Variants in NCALD observed in about 807,000 individuals in gnomAD.
The protein encoded by NCALD is neurocalcin delta, also known as neurocalcin-delta.
Under a neutral mutation model 18.6 loss-of-function variants are expected in NCALD, and 10 were observed. The observed-to-expected ratio is 0.54, with a 90% CI of 0.33 to 0.91. The LOEUF (loss-of-function observed/expected upper bound fraction) is 0.91, where lower values mean the gene tolerates loss of function less well. Ranked by LOEUF, NCALD falls within the 40% of genes least tolerant of loss-of-function variation. The probability of loss-of-function intolerance (pLI) is 0.03; values close to 1 mark genes in which losing one functional copy is unlikely to be tolerated. For missense variants in NCALD, 184 were observed against 247.6 expected (o/e 0.74, Z 1.72); for synonymous variants, 88 against 87.4 (o/e 1.01, Z -0.04).
intron 1 of NCALD, among the ~76,000 whole-genome samples, chr8:102,087,492 C>G (rs906737330): frequency 6.6e-6 from 1 of 152,072 alleles, no homozygotes; most frequent in African/African-American, 2.4e-5. Flanking sequence ...TCTCCTAAGA[C>G]AGAATGGGTT....
At chr8:101,782,272 C>A (rs113435947) in intron 1 of NCALD, among the ~76,000 whole-genome samples, 4,175 of 152,056 alleles carry the variant, frequency 0.027, 92 homozygotes, top group Middle Eastern at 0.048. Flanking sequence ...GCTTTGCCTA[C>A]GGATATAACC....
At chr8:101,821,500 A>T (rs1813715828) in intron 4 of NCALD, among the ~76,000 whole-genome samples, 1 of 152,162 alleles carries the variant, frequency 6.6e-6, no homozygotes, top group Non-Finnish European at 1.5e-5. Flanking sequence ...GTCTCTGAAG[A>T]TTATAGGTCC....
chr8:101,823,582 GCTT>G (rs1353722435), intron 4 of NCALD, among the ~76,000 whole-genome samples: 1 of 152,104 alleles, frequency 6.6e-6, no homozygotes, highest in Non-Finnish European at 1.5e-5. Context: ...CAGTCTCCTG[GCTT>G]CTTAATGTCA....
chr8:101,892,702 A>G (rs1488770445), intron 3 of NCALD, among the ~76,000 whole-genome samples: 1 of 150,630 alleles, frequency 6.6e-6, no homozygotes, highest in Non-Finnish European at 1.5e-5. Flanking sequence ...AGGCTCGAGA[A>G]CTACGTGAAG....
intron 2 of NCALD, among the ~76,000 whole-genome samples, chr8:101,967,647 G>A (rs1033509142): frequency 2.0e-5 from 3 of 152,062 alleles, no homozygotes; most frequent in African/African-American, 4.8e-5. Flanking sequence ...ACTAGCAGGC[G>A]TCTCAGAACC....
chr8:101,768,436 C>T (rs921486162), intron 1 of NCALD, among the ~76,000 whole-genome samples: 8 of 152,178 alleles, frequency 5.3e-5, no homozygotes, highest in Middle Eastern at 3.2e-3. Context: ...TAGCCTGGTG[C>T]GGTGACTCAG....
At chr8:101,726,807 C>T (rs979312129) in intron 1 of NCALD, among the ~76,000 whole-genome samples, 10 of 151,972 alleles carry the variant, frequency 6.6e-5, no homozygotes, top group Admixed American at 3.9e-4. Context: ...GCACCAGGGA[C>T]GTGAATGTGG....
rs570144444 is a variant in NCALD, at chr8:101,973,739, A to G, written c.-157+46498T>C. ...GAAATCAGAGCAAGAGTGGACCATG[A>G]GACCACAAGCTTCTAACGTTGCAGA... On this transcript the variant is annotated intron_variant, in intron 2 of 6. Transcript: ENST00000311028. Among the ~76,000 whole-genome samples the G allele has an allele frequency of 1.4e-3, 218 of 152,320 alleles. 3 individuals are homozygous for G. Among genetic ancestry groups the G allele is most frequent in the African/African-American group, 4.6e-3 (190 of 41,562 alleles).
intron 2 of NCALD, among the ~76,000 whole-genome samples, chr8:101,953,433 C>T (rs985486558): frequency 6.6e-6 from 1 of 152,182 alleles, no homozygotes; most frequent in Admixed American, 6.5e-5. Flanking sequence ...TCTGGAGAGA[C>T]ATTAAGAGTT....
At chr8:101,872,028 G>C in intron 4 of NCALD, 1 of 1,138,146 alleles carries the variant, frequency 8.8e-7, no homozygotes, top group Admixed American at 1.7e-5. Context: ...ACTGAGCCTT[G>C]ATGTCTCCTT....
intron 1 of NCALD, among the ~76,000 whole-genome samples, chr8:102,043,302 C>T (rs957609653): frequency 6.6e-6 from 1 of 151,818 alleles, no homozygotes; most frequent in Non-Finnish European, 1.5e-5. Context: ...GAAAGAGATT[C>T]GAGTTTTTAA....
At chr8:102,055,986 T>A (rs572027134) in intron 1 of NCALD, among the ~76,000 whole-genome samples, 2 of 152,318 alleles carry the variant, frequency 1.3e-5, no homozygotes, top group East Asian at 3.9e-4. Flanking sequence ...ACATCCTTAG[T>A]GATCTTTTAG....
At chr8:101,981,833 A>T (rs1344742895) in intron 2 of NCALD, among the ~76,000 whole-genome samples, 1 of 152,174 alleles carries the variant, frequency 6.6e-6, no homozygotes, top group Non-Finnish European at 1.5e-5. Flanking sequence ...TGGGAGAAGG[A>T]GCCAGATTCA....
intron 1 of NCALD, among the ~76,000 whole-genome samples, chr8:102,043,350 T>G (rs1563568491): frequency 6.6e-6 from 1 of 151,938 alleles, no homozygotes; most frequent in Non-Finnish European, 1.5e-5. Context: ...GTTTTGTTTT[T>G]GGTGTTCTTC....
chr8:102,119,246 A>G (rs1479336689), intron 1 of NCALD, among the ~76,000 whole-genome samples: 1 of 152,230 alleles, frequency 6.6e-6, no homozygotes, highest in Non-Finnish European at 1.5e-5. Flanking sequence ...CACCTTAAAA[A>G]GGAAAGAAAT....
intron 1 of NCALD, among the ~76,000 whole-genome samples, chr8:101,785,032 A>C (rs1000718537): frequency 6.6e-6 from 1 of 152,182 alleles, no homozygotes; most frequent in Non-Finnish European, 1.5e-5. Context: ...TTGAAAGGCA[A>C]TATAGTATAG....
intron 3 of NCALD, chr8:101,915,689 C>T (rs186431228): frequency 7.9e-5 from 12 of 152,196 alleles, no homozygotes; most frequent in African/African-American, 2.9e-4. Context: ...ACAAAACTCC[C>T]ATTCATTATG....
chr8:102,024,492 G>A (rs1364698989), intron 1 of NCALD, among the ~76,000 whole-genome samples: 1 of 152,150 alleles, frequency 6.6e-6, no homozygotes, highest in Non-Finnish European at 1.5e-5. Flanking sequence ...CTTATCAAGG[G>A]CACTTATCAG....
At chr8:101,798,014 T>C (rs1812705495) in intron 4 of NCALD, among the ~76,000 whole-genome samples, 1 of 152,176 alleles carries the variant, frequency 6.6e-6, no homozygotes, top group Admixed American at 6.5e-5. Context: ...AATGTCCTTA[T>C]CTTGATAAAA....
Sources: gnomAD v4.1 joint callset for allele counts (sites outside exome capture counted in the v4.1 genomes callset) on GRCh38, gnomAD v4.1.1 for gene constraint, MANE v1.5 for transcripts, NCBI Gene and HGNC (gene_info 2026-07-23, HGNC 2026-07-21) for gene names.